CDH12: variants seen among roughly 807,000 people sequenced by gnomAD.
CDH12 encodes cadherin-12.
Under a neutral mutation model 74.1 loss-of-function variants are expected in CDH12, and 41 were observed. That is an observed-to-expected ratio of 0.55 (90% CI 0.43 to 0.72). The LOEUF is 0.72. CDH12 is among the 30% of genes least tolerant of loss of function. CDH12 has a pLI of 0.00. For missense variants in CDH12, 945 were observed against 977.2 expected, an observed-to-expected ratio of 0.97 and a Z score of 0.44; for synonymous variants, 399 against 355.0, an observed-to-expected ratio of 1.12 and a Z score of -1.39.
At chr5:22,235,268 T>C (rs556266494) in intron 3 of CDH12, among the ~76,000 whole-genome samples, 3 of 152,166 alleles carry the variant, frequency 2.0e-5, no homozygotes, top group Non-Finnish European at 2.9e-5. Flanking sequence ...CAGAAACAGA[T>C]TGATAACATC....
intron 2 of CDH12, among the ~76,000 whole-genome samples, chr5:22,424,769 AT>A (rs1188019911): frequency 6.6e-6 from 1 of 152,038 alleles, no homozygotes; most frequent in African/African-American, 2.4e-5. Flanking sequence ...CTCCTACAGT[AT>A]TCTTTTATAT....
At chr5:22,470,530 C>T (rs1281383334) in intron 2 of CDH12, among the ~76,000 whole-genome samples, 4 of 151,836 alleles carry the variant, frequency 2.6e-5, no homozygotes, top group African/African-American at 9.7e-5. Flanking sequence ...GCAATCTCCC[C>T]GCATCAGCCT....
intron 3 of CDH12, among the ~76,000 whole-genome samples, chr5:22,388,338 T>A (rs1742088818): frequency 6.6e-6 from 1 of 151,930 alleles, no homozygotes; most frequent in South Asian, 2.1e-4. Context: ...TATTAATGTA[T>A]AATAATATAT....
At chr5:21,798,201 G>T (rs945783817) in intron 10 of CDH12, among the ~76,000 whole-genome samples, 1 of 151,522 alleles carries the variant, frequency 6.6e-6, no homozygotes, top group Non-Finnish European at 1.5e-5. Context: ...AATTACCAAG[G>T]CAGCAGATTT....
chr5:22,004,430 A>G (rs1364897971), intron 5 of CDH12, among the ~76,000 whole-genome samples: 3 of 151,988 alleles, frequency 2.0e-5, no homozygotes, highest in Non-Finnish European at 2.9e-5. Flanking sequence ...AAGTTCCTAC[A>G]CTTTCTGGCC....
At position 22,535,236 on chromosome 5, in the gene CDH12, G is replaced by C. The variant is rs963961449; in HGVS notation, c.-522-29872C>G. On this transcript the variant is annotated intron_variant, in intron 1 of 14. Transcript: ENST00000382254. ...GTGGCGCGGTCTTGGCTCAATGCAA[G>C]CTCCGCTTCCCGGGTTCACGCCATT... Among the ~76,000 whole-genome samples the C allele has an allele frequency of 2.8e-5, 4 of 144,244 alleles. No homozygotes were observed. In the South Asian group the frequency reaches 6.8e-4, roughly 25 times the overall value. The allele number at this position is 144,244 out of a possible 152,430, so 94.6% of individuals were successfully genotyped here. A position where few individuals can be genotyped will look rare whatever the true frequency, so the allele number is the denominator to read the frequency against.
chr5:21,786,106 A>G (rs142259771), intron 10 of CDH12, among the ~76,000 whole-genome samples: 1 of 152,260 alleles, frequency 6.6e-6, no homozygotes, highest in Non-Finnish European at 1.5e-5. Flanking sequence ...TTGTCTTACA[A>G]ATGGAACAAC....
rs184342955 is a variant in CDH12, at chr5:21,853,029, C to T, written c.646+1642G>A. ...ATTGTCCAGGCCTTCTTAATTCCTC[C>T]GGAACACTGTAGGATCATAAACTTC... On this transcript the variant is annotated intron_variant, in intron 7 of 14. Transcript: ENST00000382254. 9.9e-5 allele frequency among the ~76,000 whole-genome samples: 15 copies of T among 151,482 alleles called. 1 individual carries two copies. In the East Asian group the frequency reaches 1.8e-3, roughly 18 times the overall value.
intron 4 of CDH12, among the ~76,000 whole-genome samples, chr5:22,168,571 C>T (rs1374432783): frequency 1.3e-5 from 2 of 152,010 alleles, no homozygotes; most frequent in African/African-American, 4.8e-5. Flanking sequence ...GCTTATTTCT[C>T]TCATTTCCTT....
chr5:22,607,150 C>T (rs1305255432), intron 1 of CDH12, among the ~76,000 whole-genome samples: 1 of 152,126 alleles, frequency 6.6e-6, no homozygotes, highest in Non-Finnish European at 1.5e-5. Context: ...AATTTGCTGT[C>T]TGACCGTGAG....
chr5:22,802,404 G>A (rs1028345385), intron 1 of CDH12, among the ~76,000 whole-genome samples: 6 of 152,258 alleles, frequency 3.9e-5, no homozygotes, highest in Middle Eastern at 3.4e-3. Flanking sequence ...ACAGGCGTGA[G>A]CTACCGTGCC....
rs188746357 is a variant in CDH12, at chr5:22,731,138, T to G, written c.-523+121920A>C. Among the ~76,000 whole-genome samples, 15 of 151,944 alleles carry G rather than the reference T, an allele frequency of 9.9e-5. No homozygotes were observed. In the East Asian group the frequency reaches 2.9e-3, roughly 30 times the overall value. On this transcript the variant is annotated intron_variant, in intron 1 of 14. Transcript: ENST00000382254. ...TATTGTTTAAAATCCTCTGTCTGACTTTACCACAATTAATCAGAATCTTTG... is the reference window on the plus strand; with the variant it reads ...TATTGTTTAAAATCCTCTGTCTGACGTTACCACAATTAATCAGAATCTTTG...
chr5:21,854,655 C>T lies in CDH12; in HGVS notation c.646+16G>A, dbSNP rs774577627. 2.9e-6 allele frequency: 4 copies of T among 1,396,000 alleles called. No homozygotes were observed. Among genetic ancestry groups the T allele is most frequent in the South Asian group, 1.2e-5 (1 of 84,452 alleles). The allele number at this position is 1,396,000 out of a possible 1,614,324, so 86.5% of individuals were successfully genotyped here. The stretch of plus-strand genomic sequence containing the variant: ...TGAAGGGCTGGTGATAATGTTGCCT[C>T]TAATAAAAAATTTACCTGTCTTGGG... On this transcript the variant is annotated intron_variant, in intron 7 of 14. Transcript: ENST00000382254.
chr5:22,153,348 C>T (rs1747741910), intron 4 of CDH12, among the ~76,000 whole-genome samples: 1 of 151,436 alleles, frequency 6.6e-6, no homozygotes, highest in Non-Finnish European at 1.5e-5. Flanking sequence ...TTAAGACCCC[C>T]CTCCCATCCC....
chr5:21,890,402 C>G (rs1447742615), intron 6 of CDH12, among the ~76,000 whole-genome samples: 2 of 151,682 alleles, frequency 1.3e-5, no homozygotes, highest in East Asian at 3.9e-4. Flanking sequence ...TAAAAAGAAC[C>G]CCAGAAAGTC....
At chr5:22,074,605 A>G (rs1183638850) in intron 5 of CDH12, among the ~76,000 whole-genome samples, 2 of 152,338 alleles carry the variant, frequency 1.3e-5, no homozygotes, top group African/African-American at 4.8e-5. Context: ...ATGAACTCAA[A>G]CAAACTTACA....
At chr5:22,068,210 T>C (rs1002015196) in intron 5 of CDH12, among the ~76,000 whole-genome samples, 3 of 152,094 alleles carry the variant, frequency 2.0e-5, no homozygotes, top group African/African-American at 4.8e-5. Flanking sequence ...CAGCAGGCCC[T>C]TGATGCACAA....
rs1028330864 is a variant in CDH12, at chr5:21,789,022, T to A, written c.1257-5528A>T. 2.6e-5 allele frequency among the ~76,000 whole-genome samples: 4 copies of A among 152,134 alleles called. 1 individual carries two copies. The highest frequency in any genetic ancestry group is 2.6e-4 in the Admixed American group (4 of 15,250). Reference sequence around the variant, plus strand: ...TTCTAGTGTGAAATTATTTCTTTAATGATTTTTATTATATAATTTATTTTC... The same window carrying A: ...TTCTAGTGTGAAATTATTTCTTTAAAGATTTTTATTATATAATTTATTTTC... On this transcript the variant is annotated intron_variant, in intron 10 of 14. Coordinates refer to ENST00000382254, the MANE Select transcript of CDH12 (RefSeq NM_004061.5).
chr5:22,209,011 T>G (rs552904884), intron 4 of CDH12, among the ~76,000 whole-genome samples: 1 of 152,232 alleles, frequency 6.6e-6, no homozygotes, highest in Non-Finnish European at 1.5e-5. Flanking sequence ...TGATCATATT[T>G]GTAGTCATTG....
Sources: allele counts gnomAD v4.1 joint callset (sites outside exome capture counted in the v4.1 genomes callset), GRCh38; gene constraint gnomAD v4.1.1; transcripts MANE v1.5; gene names NCBI Gene and HGNC (gene_info 2026-07-23, HGNC 2026-07-21).